Variants in TRIP13 observed in about 807,000 individuals in gnomAD.
TRIP13 encodes pachytene checkpoint protein 2 homolog.
A neutral mutation model predicts 54.4 loss-of-function variants in TRIP13; 25 were observed. The observed-to-expected ratio is 0.46, with a 90% CI of 0.33 to 0.64. TRIP13 has a LOEUF of 0.64. Ranked by LOEUF, TRIP13 falls within the 30% of genes least tolerant of loss-of-function variation. TRIP13 has a pLI of 0.02. For synonymous variants in TRIP13, 207 were observed against 207.8 expected (o/e 1.00, Z 0.03); for missense variants, 373 against 534.2 (o/e 0.70, Z 2.97).
At position 892,996 on chromosome 5, in the gene TRIP13, G is replaced by T. The variant is rs1461168156; in HGVS notation, c.-3G>T. 1 of 1,541,666 alleles carries T rather than the reference G, an allele frequency of 6.5e-7. No individual in the cohort carries two copies. Among genetic ancestry groups the T allele is most frequent in the Non-Finnish European group, 8.7e-7 (1 of 1,146,490 alleles). On this transcript the variant is annotated 5_prime_UTR_variant, in exon 1 of 13. Coordinates refer to ENST00000166345, the MANE Select transcript of TRIP13 (RefSeq NM_004237.4). ...TTGGGTCCCCACTGCTCTCGGGGGCGCCATGGACGAGGCCGTGGGCGACCT... is the reference window on the plus strand; with the variant it reads ...TTGGGTCCCCACTGCTCTCGGGGGCTCCATGGACGAGGCCGTGGGCGACCT...
chr5:911,742 G>C lies in TRIP13; in HGVS notation c.867-101G>C. The C allele has an allele frequency of 6.9e-7, 1 of 1,447,260 alleles. No homozygotes were observed. Among genetic ancestry groups the C allele is most frequent in the Non-Finnish European group, 9.2e-7 (1 of 1,086,120 alleles). The allele number at this position is 1,447,260 out of a possible 1,614,324, so 89.7% of individuals were successfully genotyped here. On this transcript the variant is annotated intron_variant, in intron 9 of 12. Transcript: ENST00000166345. The surrounding 1 kb of genome is among the most constrained non-coding windows in gnomAD (Gnocchi z 4.7). ...CCACTTTCCTTCCTGTTGGCAGCCT[G>C]CTGGCCATCGTCCTGCCAACCTCCT...
rs963322260 is a variant in TRIP13, at chr5:912,684, A to G, written c.1020+688A>G. 6.6e-6 allele frequency among the ~76,000 whole-genome samples: 1 copy of G among 151,466 alleles called. No individual in the cohort carries two copies. The highest frequency in any genetic ancestry group is 2.4e-5 in the African/African-American group (1 of 41,194). Reference sequence around the variant, plus strand: ...TCAGTAAGGCCGTCGCCATGGGCACAGTGACGCGTGTGGTGAGTGTGCGTG... The same window carrying G: ...TCAGTAAGGCCGTCGCCATGGGCACGGTGACGCGTGTGGTGAGTGTGCGTG... On this transcript the variant is annotated intron_variant, in intron 10 of 12. Transcript: ENST00000166345. The surrounding 1 kb of genome is among the most constrained non-coding windows in gnomAD (Gnocchi z 7.2).
At position 915,332 on chromosome 5, in the gene TRIP13, G is replaced by C. The variant is rs1754321628; in HGVS notation, c.1134-572G>C. On this transcript the variant is annotated intron_variant, in intron 11 of 12. Coordinates refer to ENST00000166345, the MANE Select transcript of TRIP13 (RefSeq NM_004237.4). The surrounding 1 kb of genome is among the most constrained non-coding windows in gnomAD (Gnocchi z 4.2). ...GCCCGCTGCATCGTGCCTTACGCCT[G>C]GTGCTCCCAGGCAGGTGATGCCTTC... 6.6e-6 allele frequency among the ~76,000 whole-genome samples: 1 copy of C among 152,212 alleles called. No homozygotes were observed. Among genetic ancestry groups the C allele is most frequent in the South Asian group, 2.1e-4 (1 of 4,834 alleles).
chr5:909,592 G>GACACAC (rs533804271), intron 9 of TRIP13, among the ~76,000 whole-genome samples: 3 of 151,976 alleles, frequency 2.0e-5, no homozygotes, highest in Non-Finnish European at 4.4e-5. Context: ...AGGAATTAAA[G>GACACAC]ACACACACAC....
In TRIP13 at chr5:908,244, G is replaced by A. The variant is rs998446874; in HGVS notation, c.760-111G>A. On this transcript the variant is annotated intron_variant, in intron 8 of 12. Transcript: ENST00000166345. The surrounding 1 kb of genome is among the most constrained non-coding windows in gnomAD (Gnocchi z 5.2). Reference sequence around the variant, plus strand: ...GCCGCAGCATCCGCAGGCTAGGCACGGGAACACCCATTCATTCATCTTTTT... The same window carrying A: ...GCCGCAGCATCCGCAGGCTAGGCACAGGAACACCCATTCATTCATCTTTTT... 33 of 1,428,590 alleles carry A rather than the reference G, an allele frequency of 2.3e-5. No homozygotes were observed. Among genetic ancestry groups the A allele is most frequent in the Admixed American group, 1.2e-4 (7 of 57,286 alleles). 88.5% of individuals were successfully genotyped at this position (1,428,590 alleles called of 1,614,324 possible). A position where few individuals can be genotyped will look rare whatever the true frequency, so the allele number is the denominator to read the frequency against.
At chr5:893,495 A>T in intron 1 of TRIP13, 2 of 228,390 alleles carry the variant, frequency 8.8e-6, no homozygotes, top group Non-Finnish European at 1.8e-5. Context: ...CTGGGTGGTT[A>T]TTCTTTGAGC....
rs991579949 is a variant in TRIP13 at position 912,385 on chromosome 5, G to A, written c.1020+389G>A. Among the ~76,000 whole-genome samples the A allele has an allele frequency of 1.3e-5, 2 of 152,084 alleles. No individual in the cohort carries two copies. The highest frequency in any genetic ancestry group is 6.6e-5 in the Admixed American group (1 of 15,260). On this transcript the variant is annotated intron_variant, in intron 10 of 12. Transcript: ENST00000166345. The surrounding 1 kb of genome is among the most constrained non-coding windows in gnomAD (Gnocchi z 7.2). Reference sequence around the variant, plus strand: ...ACCTGAAAGAGGAAACATCACGGGCGTAGTATGGGCCTGGTTTTGGTCACG... The same window carrying A: ...ACCTGAAAGAGGAAACATCACGGGCATAGTATGGGCCTGGTTTTGGTCACG...
intron 2 of TRIP13, 97 bp from the exon 3 acceptor site, chr5:896,564 ACATT>A: frequency 7.8e-7 from 1 of 1,278,752 alleles, no homozygotes; most frequent in Middle Eastern, 1.9e-4. Context: ...ATTATACTGT[ACATT>A]CAGTTTTTAT....
rs1754204072 is a variant in TRIP13 at position 910,300 on chromosome 5, C to T, written c.867-1543C>T. 2.6e-5 allele frequency among the ~76,000 whole-genome samples: 4 copies of T among 152,368 alleles called. No homozygotes were observed. In the South Asian group the frequency reaches 6.2e-4, roughly 24 times the overall value. On this transcript the variant is annotated intron_variant, in intron 9 of 12. Transcript: ENST00000166345. ...CCCCGGCCTCCATTCTCCTGTCTCCCCGGTTTATGCTGCTGGCGTCTCTCC... is the reference window on the plus strand; with the variant it reads ...CCCCGGCCTCCATTCTCCTGTCTCCTCGGTTTATGCTGCTGGCGTCTCTCC...
At chr5:905,354 G>C (rs182007709) in intron 6 of TRIP13, among the ~76,000 whole-genome samples, 42 of 152,320 alleles carry the variant, frequency 2.8e-4, no homozygotes, top group Admixed American at 2.4e-3. Context: ...AATGTCCCCT[G>C]CTCACACACA....
chr5:904,388 T>A (rs1393085741), intron 6 of TRIP13, among the ~76,000 whole-genome samples, 168 bp downstream of exon 6: 2 of 152,234 alleles, frequency 1.3e-5, no homozygotes, highest in Non-Finnish European at 2.9e-5. Context: ...TTTCAGTCTT[T>A]TAAGATTTGA....
In TRIP13 at chr5:907,541, AT is replaced by A. The variant is rs1490945840; in HGVS notation, c.672+350del. Reference sequence around the variant, plus strand: ...GTCAGACAAGGTGATGTCACATGTGATTCTTACCTCTGAGGAGCTGTGCCCA... The same window carrying A: ...GTCAGACAAGGTGATGTCACATGTGATCTTACCTCTGAGGAGCTGTGCCCA... On this transcript the variant is annotated intron_variant, in intron 7 of 12. Transcript: ENST00000166345. This position sits in a 1 kb window ranked among gnomAD's most constrained non-coding sequence, Gnocchi z 4.1. Among the ~76,000 whole-genome samples the A allele has an allele frequency of 6.6e-6, 1 of 152,194 alleles. No individual in the cohort carries two copies. Among genetic ancestry groups the A allele is most frequent in the Non-Finnish European group, 1.5e-5 (1 of 68,042 alleles).
In TRIP13 at chr5:916,121, T is replaced by G. The variant is rs887647678; in HGVS notation, c.1203+148T>G. On this transcript the variant is annotated intron_variant, in intron 12 of 12. Coordinates refer to ENST00000166345, the MANE Select transcript of TRIP13 (RefSeq NM_004237.4). ...CCTGGGGCCGGAGGAGGAGCTGACC[T>G]TGGCACCGAAACACAGGGGCTGTCT... 14 of 812,668 alleles carry G rather than the reference T, an allele frequency of 1.7e-5. No homozygotes were observed. In the African/African-American group the frequency reaches 2.4e-4, roughly 14 times the overall value. The allele number at this position is 812,668 out of a possible 1,614,324, so 50.3% of individuals were successfully genotyped here.
rs376961180 is a variant in TRIP13 at position 908,148 on chromosome 5, T to G, written c.759+74T>G. The G allele has an allele frequency of 5.0e-5, 78 of 1,545,240 alleles. 1 individual carries two copies. The highest frequency in any genetic ancestry group is 4.2e-4 in the African/African-American group (31 of 73,440). ...TTGTGGGGACACAGCCTACTCCTGA[T>G]GCTCCTAGCTTTCCCCTCCTACAGC... On this transcript the variant is annotated intron_variant, in intron 8 of 12. Coordinates refer to ENST00000166345, the MANE Select transcript of TRIP13 (RefSeq NM_004237.4). This position sits in a 1 kb window ranked among gnomAD's most constrained non-coding sequence, Gnocchi z 5.2.
chr5:905,168 G>A (rs1230724911), intron 6 of TRIP13, among the ~76,000 whole-genome samples: 2 of 152,110 alleles, frequency 1.3e-5, no homozygotes, highest in Non-Finnish European at 2.9e-5. Context: ...ACTGGGAGGG[G>A]TTTAGGTTTG....
rs1753919833 is a variant in TRIP13 at position 896,581 on chromosome 5, G to A, written c.259-84G>A. On this transcript the variant is annotated intron_variant, in intron 2 of 12. Transcript: ENST00000166345. ...TATACTGTACATTCAGTTTTTATTT[G>A]TAGACCTTAACATCTAATTTGTATG... is the stretch of plus-strand genomic sequence containing the variant. 2.1e-6 allele frequency: 3 copies of A among 1,435,744 alleles called. No individual in the cohort carries two copies. The South Asian group carries it at 4.1e-5, about 20-fold the overall frequency. The allele number at this position is 1,435,744 out of a possible 1,614,324, so 88.9% of individuals were successfully genotyped here.
chr5:914,324 A>T (rs936566947), intron 10 of TRIP13, 141 bp from the exon 11 acceptor site: 19 of 657,526 alleles, frequency 2.9e-5, no homozygotes, highest in South Asian at 1.0e-4. Context: ...GCAGCTGTGC[A>T]TCTTGAGTCG....
Position 893,045 on chromosome 5 carries a change from C to G in TRIP13, c.47C>G (p.Ala16Gly). 1 of 1,597,630 alleles carries G rather than the reference C, an allele frequency of 6.3e-7. No individual in the cohort carries two copies. Among genetic ancestry groups the G allele is most frequent in the South Asian group, 1.1e-5 (1 of 88,586 alleles). Residue 16 changes from alanine to glycine, a missense_variant, in exon 1 of 13, where the codon GCC becomes GGC. Around this residue, in one of 4 missense-constraint regions of TRIP13, gnomAD observed 151 missense variants for 151.9 expected, o/e 0.99. Transcript: ENST00000166345. ...CTGAAGCAGGCGCTTCCCTGTGTGG[C>G]CGAGTCGCCAACGGTCCACGTGGAG... ...GDLKQALPCV[A>G]ESPTVHVEVH... is the part of the protein sequence containing the mutation.
intron 1 of TRIP13, among the ~76,000 whole-genome samples, chr5:893,881 C>T (rs1753792864): frequency 6.6e-6 from 1 of 152,100 alleles, no homozygotes; most frequent in Non-Finnish European, 1.5e-5. Context: ...AGCCTGGCGA[C>T]ACCTGTGTAA....
Sources: gnomAD v4.1 joint callset for allele counts (sites outside exome capture counted in the v4.1 genomes callset) on GRCh38, gnomAD v4.1.1 for gene constraint, gnomAD v4.1.1 regional missense constraint, Gnocchi (gnomAD v3.1) non-coding constraint, MANE v1.5 for transcripts, NCBI Gene and HGNC (gene_info 2026-07-23, HGNC 2026-07-21) for gene names.